Variants in NLGN1 observed in about 807,000 individuals in gnomAD.
NLGN1 encodes neuroligin-1.
NLGN1 carries 12 observed loss-of-function variants against 65.5 expected under a neutral mutation model. That is an observed-to-expected ratio of 0.18 (90% CI 0.12 to 0.30). The LOEUF is 0.30. Ranked by LOEUF, NLGN1 falls within the 10% of genes least tolerant of loss-of-function variation. The pLI is 1.00. For missense variants in NLGN1, 750 were observed against 1,007.1 expected, an observed-to-expected ratio of 0.74 and a Z score of 3.46; for synonymous variants, 350 against 359.5, an observed-to-expected ratio of 0.97 and a Z score of 0.30.
At chr3:173,804,501 A>G (rs1199861422) in intron 3 of NLGN1, among the ~76,000 whole-genome samples, 1 of 152,110 alleles carries the variant, frequency 6.6e-6, no homozygotes, top group African/African-American at 2.4e-5. Context: ...ACAGAAGATA[A>G]ATGCCCCCTT....
chr3:174,017,796 AAGGCAACTGG>A, intron 4 of NLGN1, among the ~76,000 whole-genome samples: 1 of 152,296 alleles, frequency 6.6e-6, no homozygotes, highest in South Asian at 2.1e-4. Context: ...AAAATATTAC[AAGGCAACTGG>A]AGGCAGGGTG....
At chr3:173,521,244 A>G (rs891688009) in intron 2 of NLGN1, among the ~76,000 whole-genome samples, 1 of 152,204 alleles carries the variant, frequency 6.6e-6, no homozygotes, top group Non-Finnish European at 1.5e-5. Flanking sequence ...GTATTTCATA[A>G]GTGAAGGGTT....
At chr3:173,890,558 C>A (rs1421508242) in intron 4 of NLGN1, among the ~76,000 whole-genome samples, 1 of 152,052 alleles carries the variant, frequency 6.6e-6, no homozygotes, top group African/African-American at 2.4e-5. Flanking sequence ...GAAAGGTGGT[C>A]ATTTATATAA....
At chr3:173,831,600 A>G (rs746744582) in intron 4 of NLGN1, among the ~76,000 whole-genome samples, 8 of 152,196 alleles carry the variant, frequency 5.3e-5, no homozygotes, top group Non-Finnish European at 1.2e-4. Flanking sequence ...AAAAAAGTAC[A>G]ATGTTTGTAC....
chr3:174,254,306 A>ATTTTTTTTTTTTTTTTTT (rs371427726), intron 4 of NLGN1, among the ~76,000 whole-genome samples: 15 of 113,756 alleles, frequency 1.3e-4, no homozygotes, highest in African/African-American at 3.2e-4. Context: ...GTCCTTTTTA[A>ATTTTTTTTTTTTTTTTTT]TTTTTTTTTT....
At chr3:174,085,368 G>T (rs1439553212) in intron 4 of NLGN1, among the ~76,000 whole-genome samples, 1 of 151,890 alleles carries the variant, frequency 6.6e-6, no homozygotes, top group Non-Finnish European at 1.5e-5. Flanking sequence ...ATTTATAAAT[G>T]GTTTTATAAA....
At chr3:174,244,619 T>C (rs1743457607) in intron 4 of NLGN1, among the ~76,000 whole-genome samples, 1 of 152,168 alleles carries the variant, frequency 6.6e-6, no homozygotes, top group Non-Finnish European at 1.5e-5. Context: ...ATGATTAAAA[T>C]TGACTATTAC....
At chr3:173,436,066 T>C (rs1435776018) in intron 2 of NLGN1, among the ~76,000 whole-genome samples, 4 of 152,208 alleles carry the variant, frequency 2.6e-5, no homozygotes, top group Non-Finnish European at 5.9e-5. Flanking sequence ...ACACATGATG[T>C]ATGTTATTAG....
chr3:173,464,002 A>C (rs1560290866), intron 2 of NLGN1, among the ~76,000 whole-genome samples: 1 of 152,084 alleles, frequency 6.6e-6, no homozygotes, highest in Non-Finnish European at 1.5e-5. Flanking sequence ...TAAATATTAA[A>C]AAAAAACCTC....
intron 1 of NLGN1, among the ~76,000 whole-genome samples, chr3:173,421,468 C>G (rs775434397): frequency 2.0e-5 from 3 of 151,472 alleles, no homozygotes; most frequent in Non-Finnish European, 4.4e-5. Flanking sequence ...GGTATTCCAA[C>G]AAAGTCCATT....
chr3:173,678,898 A>C (rs918481011), intron 3 of NLGN1, among the ~76,000 whole-genome samples: 3 of 152,122 alleles, frequency 2.0e-5, no homozygotes, highest in Admixed American at 6.6e-5. Context: ...ATTTAGGAGA[A>C]TTCCTTGCTT....
chr3:174,147,964 A>T (rs973426643), intron 4 of NLGN1, among the ~76,000 whole-genome samples: 1 of 152,202 alleles, frequency 6.6e-6, no homozygotes, highest in Non-Finnish European at 1.5e-5. Flanking sequence ...TCTTGTTCTT[A>T]GTTGCAGAAC....
At chr3:173,907,856 A>G (rs1365188838) in intron 4 of NLGN1, among the ~76,000 whole-genome samples, 1 of 151,922 alleles carries the variant, frequency 6.6e-6, no homozygotes, top group African/African-American at 2.4e-5. Flanking sequence ...AAGTGCTGGG[A>G]TTACAGGTGT....
intron 2 of NLGN1, among the ~76,000 whole-genome samples, chr3:173,568,197 TCTTTCCTTTCCTTTCCTTTTC>T (rs1404311271): frequency 4.0e-5 from 6 of 150,896 alleles, no homozygotes; most frequent in Admixed American, 2.7e-4. Context: ...CCTTTTCTTT[TCTTTCCTTTCCTTTCCTTTTC>T]CTTTCCTTTC....
At chr3:173,597,783 C>A (rs1749736963) in intron 2 of NLGN1, among the ~76,000 whole-genome samples, 1 of 130,342 alleles carries the variant, frequency 7.7e-6, no homozygotes, top group South Asian at 3.0e-4. Flanking sequence ...ATAAAATTAA[C>A]AGTATTTTAA....
At chr3:173,908,612 A>G (rs1290612316) in intron 4 of NLGN1, among the ~76,000 whole-genome samples, 1 of 152,198 alleles carries the variant, frequency 6.6e-6, no homozygotes, top group Non-Finnish European at 1.5e-5. Flanking sequence ...TGTCTAGTGC[A>G]GAGCTGACTA....
At chr3:173,631,606 C>A (rs886597907) in intron 3 of NLGN1, among the ~76,000 whole-genome samples, 1 of 152,106 alleles carries the variant, frequency 6.6e-6, no homozygotes, top group Non-Finnish European at 1.5e-5. Context: ...TAAAGTATAA[C>A]ATCATTTGGC....
intron 1 of NLGN1, among the ~76,000 whole-genome samples, chr3:173,406,140 A>C (rs927509989): frequency 5.9e-5 from 9 of 152,096 alleles, no homozygotes; most frequent in African/African-American, 1.4e-4. Flanking sequence ...AATGCAGAAG[A>C]TTCAACAGAA....
Position 173,558,399 on chromosome 3 carries a change from G to GC in NLGN1, c.-320-45873dup, listed in dbSNP as rs558087915. On this transcript the variant is annotated intron_variant, in intron 2 of 6. Transcript: ENST00000457714. ...ACATCTGGTCACTATTTCCTCATTTGCCCCCCCAACCCCATCCTATATATC... is the reference window on the plus strand; with the variant it reads ...ACATCTGGTCACTATTTCCTCATTTGCCCCCCCCAACCCCATCCTATATATC... 1.3e-4 allele frequency among the ~76,000 whole-genome samples: 20 copies of GC among 151,600 alleles called. No individual in the cohort carries two copies. In the East Asian group the frequency reaches 1.4e-3, roughly 10 times the overall value.
Sources: gnomAD v4.1 joint callset for allele counts (sites outside exome capture counted in the v4.1 genomes callset) on GRCh38, gnomAD v4.1.1 for gene constraint, MANE v1.5 for transcripts, NCBI Gene and HGNC (gene_info 2026-07-23, HGNC 2026-07-21) for gene names.